The following YEATS4 variants were observed in gnomAD, a reference collection of about 807,000 sequenced individuals.
YEATS4 encodes the protein YEATS domain-containing protein 4.
YEATS4 carries 17 observed loss-of-function variants against 30.1 expected under a neutral mutation model. The observed-to-expected ratio is 0.56, with a 90% CI of 0.39 to 0.85. The LOEUF is 0.85. Among genes scored for constraint, YEATS4 ranks in the 40% least tolerant of loss-of-function variants. The pLI is 0.00. For missense variants in YEATS4, 142 were observed against 268.3 expected, an observed-to-expected ratio of 0.53 and a Z score of 3.29; for synonymous variants, 85 against 87.5, an observed-to-expected ratio of 0.97 and a Z score of 0.16.
At chr12:69,363,305 T>A (rs1326849985) in intron 2 of YEATS4, among the ~76,000 whole-genome samples, 1 of 152,130 alleles carries the variant, frequency 6.6e-6, no homozygotes, top group Non-Finnish European at 1.5e-5. Flanking sequence ...CAACCTGTAA[T>A]TTTTTATAGT....
intron 6 of YEATS4, among the ~76,000 whole-genome samples, chr12:69,375,770 TGC>T (rs1178857021): frequency 6.6e-6 from 1 of 151,846 alleles, no homozygotes; most frequent in Non-Finnish European, 1.5e-5. Flanking sequence ...GGCGTGGTGG[TGC>T]GCGCCTGCAA....
chr12:69,391,595 A>G (rs1372579676), downstream of YEATS4, among the ~76,000 whole-genome samples: 1 of 151,938 alleles, frequency 6.6e-6, no homozygotes, highest in South Asian at 2.1e-4. Context: ...GACTTTTGCA[A>G]TTATTATGGA....
chr12:69,416,625 C>G, the YEATS4 span, among the ~76,000 whole-genome samples: 8 of 152,264 alleles, frequency 5.3e-5, no homozygotes, highest in Admixed American at 1.3e-4. Context: ...CCCTCCCACG[C>G]CAGTAGGTAA....
At chr12:69,406,115 A>G in the YEATS4 span, among the ~76,000 whole-genome samples, 4,214 of 152,320 alleles carry the variant, frequency 0.028, 78 homozygotes, top group Non-Finnish European at 0.047. Context: ...TTGCATATGT[A>G]TGCATTTCTA....
chr12:69,407,869 A>G, the YEATS4 span, among the ~76,000 whole-genome samples: 5 of 151,794 alleles, frequency 3.3e-5, no homozygotes, highest in Admixed American at 1.3e-4. Flanking sequence ...GGCATGTGCC[A>G]CCACGCCTGG....
At chr12:69,389,103 C>T (rs1868285041) in intron 6 of YEATS4, among the ~76,000 whole-genome samples, 1 of 152,100 alleles carries the variant, frequency 6.6e-6, no homozygotes, top group South Asian at 2.1e-4. Flanking sequence ...CAGTTATTGC[C>T]ACCTATTTGA....
chr12:69,396,313 G>C, the YEATS4 span, among the ~76,000 whole-genome samples: 1 of 152,214 alleles, frequency 6.6e-6, no homozygotes. Context: ...TGATAAGGGA[G>C]TAGAGCCATG....
intron 6 of YEATS4, among the ~76,000 whole-genome samples, chr12:69,386,123 A>G (rs1868249182): frequency 6.6e-6 from 1 of 152,224 alleles, no homozygotes; most frequent in Admixed American, 6.5e-5. Flanking sequence ...AACACATAGG[A>G]AGCAGAACAC....
chr12:69,388,619 A>G (rs1293367955), intron 6 of YEATS4, among the ~76,000 whole-genome samples: 1 of 152,246 alleles, frequency 6.6e-6, no homozygotes, highest in East Asian at 1.9e-4. Context: ...ACATCATGCT[A>G]CATATCCAAG....
At chr12:69,406,935 C>T in the YEATS4 span, among the ~76,000 whole-genome samples, 21 of 152,254 alleles carry the variant, frequency 1.4e-4, no homozygotes, top group Admixed American at 3.9e-4. Context: ...CTGCCTTAGC[C>T]TCCCAAGTAG....
intron 2 of YEATS4, chr12:69,364,139 A>AAATATTTACAGAGTCTCTGTAG: frequency 2.2e-6 from 1 of 445,992 alleles, no homozygotes; most frequent in Non-Finnish European, 4.5e-6. Context: ...AGTGATTCTT[A>AAATATTTACAGAGTCTCTGTAG]TGAGACTCTG....
At chr12:69,415,107 G>A in the YEATS4 span, among the ~76,000 whole-genome samples, 1 of 152,140 alleles carries the variant, frequency 6.6e-6, no homozygotes, top group African/African-American at 2.4e-5. Flanking sequence ...TACATAAGGA[G>A]CAGCACTTTG....
chr12:69,385,102 T>G (rs1347203752), intron 6 of YEATS4, among the ~76,000 whole-genome samples: 2 of 152,040 alleles, frequency 1.3e-5, no homozygotes, highest in African/African-American at 4.8e-5. Flanking sequence ...GCCTCAAACT[T>G]GGGGGCTCAC....
chr12:69,391,639 G>A (rs548622032), downstream of YEATS4, among the ~76,000 whole-genome samples: 53 of 152,204 alleles, frequency 3.5e-4, no homozygotes, highest in South Asian at 6.8e-3. Flanking sequence ...CTGAAATTTC[G>A]GCCAGAGCCC....
At chr12:69,362,931 CTG>C in intron 2 of YEATS4, 24 bp downstream of exon 2, 1 of 1,441,116 alleles carries the variant, frequency 6.9e-7, no homozygotes, top group Non-Finnish European at 9.2e-7. Flanking sequence ...TTTTCTGTAA[CTG>C]TTTTACTTAA....
chr12:69,407,886 T>C, the YEATS4 span, among the ~76,000 whole-genome samples: 1 of 151,902 alleles, frequency 6.6e-6, no homozygotes, highest in Admixed American at 6.6e-5. Flanking sequence ...CTGGCTGATT[T>C]TGTATTTTTA....
intron 2 of YEATS4, 43 bp downstream of exon 2, chr12:69,362,950 C>G: frequency 1.1e-6 from 1 of 934,244 alleles, no homozygotes; most frequent in South Asian, 2.5e-5. Flanking sequence ...TTAAAGTTGT[C>G]TGTAATTTGT....
downstream of YEATS4, among the ~76,000 whole-genome samples, chr12:69,394,238 AC>A (rs1442931219): frequency 3.3e-5 from 5 of 152,220 alleles, no homozygotes; most frequent in African/African-American, 1.2e-4. Flanking sequence ...TAATGGCACA[AC>A]TGCACAAATT....
At chr12:69,379,032 A>G (rs1875971631) in intron 6 of YEATS4, among the ~76,000 whole-genome samples, 1 of 152,206 alleles carries the variant, frequency 6.6e-6, no homozygotes, top group Non-Finnish European at 1.5e-5. Context: ...GTACTATTCT[A>G]GGACAAAAGG....
Sources: allele counts gnomAD v4.1 joint callset (sites outside exome capture counted in the v4.1 genomes callset), GRCh38; gene constraint gnomAD v4.1.1; transcripts MANE v1.5; gene names NCBI Gene and HGNC (gene_info 2026-07-23, HGNC 2026-07-21).